SETD5: variants seen among roughly 807,000 people sequenced by gnomAD.
SETD5 encodes SET domain containing 5.
In SETD5, 44 loss-of-function variants were observed where a neutral mutation model predicts 153.3. The ratio of observed to expected loss-of-function variants is 0.29; its 90% confidence interval spans 0.23 to 0.37. The LOEUF (loss-of-function observed/expected upper bound fraction) is 0.37, where lower values mean the gene tolerates loss of function less well. Ranked by LOEUF, SETD5 falls within the 10% of genes least tolerant of loss-of-function variation. The pLI is 1.00. For missense variants in SETD5, 1,544 were observed against 1,768.0 expected (o/e 0.87, Z 2.27); for synonymous variants, 716 against 645.2 (o/e 1.11, Z -1.66).
intron 17 of SETD5, among the ~76,000 whole-genome samples, chr3:9,459,754 C>G (rs185821128): frequency 6.8e-6 from 1 of 147,096 alleles, no homozygotes; most frequent in African/African-American, 2.5e-5. Context: ...GAAGAATATA[C>G]GATGACTAAG....
At chr3:9,416,695 A>G (rs1211557527) in intron 1 of SETD5, among the ~76,000 whole-genome samples, 1 of 152,212 alleles carries the variant, frequency 6.6e-6, no homozygotes, top group Non-Finnish European at 1.5e-5. Flanking sequence ...ACCTATCATT[A>G]TGATAAACAT....
intron 18 of SETD5, among the ~76,000 whole-genome samples, chr3:9,467,199 C>CAAA (rs35894304): frequency 0.055 from 2,051 of 37,206 alleles, 13 homozygotes; most frequent in Non-Finnish European, 0.082. Context: ...GACTCTCTCT[C>CAAA]AAAAAAAAAA....
chr3:9,410,910 A>G (rs2036474418), intron 1 of SETD5, among the ~76,000 whole-genome samples: 1 of 147,434 alleles, frequency 6.8e-6, no homozygotes, highest in South Asian at 2.1e-4. Flanking sequence ...TTTTTTTGAG[A>G]TGGAGTCTCG....
intron 11 of SETD5, among the ~76,000 whole-genome samples, chr3:9,444,511 G>C (rs544085339): frequency 6.6e-6 from 1 of 152,038 alleles, no homozygotes; most frequent in East Asian, 1.9e-4. Flanking sequence ...TAAACCACTG[G>C]GGGGATTGAA....
intron 12 of SETD5, 89 bp from the exon 13 acceptor site, chr3:9,445,568 T>C (rs1375610412): frequency 8.5e-7 from 1 of 1,170,682 alleles, no homozygotes; most frequent in African/African-American, 1.5e-5. Flanking sequence ...CACTAGAGAT[T>C]GTTATAGAGA....
At chr3:9,409,029 C>T (rs1445700350) in intron 1 of SETD5, among the ~76,000 whole-genome samples, 2 of 152,070 alleles carry the variant, frequency 1.3e-5, no homozygotes, top group African/African-American at 2.4e-5. Flanking sequence ...ATAACTCCTT[C>T]TGCATTTAAT....
Position 9,407,438 on chromosome 3 carries a change from G to A in SETD5, c.-177+9461G>A, listed in dbSNP as rs537327191. 4.6e-5 allele frequency among the ~76,000 whole-genome samples: 7 copies of A among 152,302 alleles called. No individual in the cohort carries two copies. The South Asian group carries it at 1.5e-3, about 32-fold the overall frequency. ...TATTTTTAGAGAAGGAAGGCTCTAG[G>A]TAGGTGTAACCTTCCTCTTACAGTT... On this transcript the variant is annotated intron_variant, in intron 1 of 22. Transcript: ENST00000402198.
chr3:9,434,889 G>T lies in SETD5; in HGVS notation c.388+7G>T. On this transcript the variant is annotated splice_region_variant and intron_variant, in intron 6 of 22. Transcript: ENST00000402198. The surrounding 1 kb of genome is among the most constrained non-coding windows in gnomAD (Gnocchi z 5.6). ...AAGCAGGACAACATATCAGGTGAGC[G>T]GAAGATGGGTTAGGTCCACAATTTG... is the stretch of plus-strand genomic sequence containing the variant. The T allele has an allele frequency of 6.2e-7, 1 of 1,612,318 alleles. No homozygotes were observed. Among genetic ancestry groups the T allele is most frequent in the Non-Finnish European group, 8.5e-7 (1 of 1,179,230 alleles).
chr3:9,442,828 GAGTT>G (rs1238102071), intron 10 of SETD5: 13 of 167,114 alleles, frequency 7.8e-5, no homozygotes, highest in Admixed American at 4.5e-4. Flanking sequence ...ACAAGGTCAG[GAGTT>G]CGAGACCAGC....
chr3:9,468,906 T>TA (rs1342963604), intron 18 of SETD5, among the ~76,000 whole-genome samples: 1 of 152,058 alleles, frequency 6.6e-6, no homozygotes, highest in Non-Finnish European at 1.5e-5. Flanking sequence ...AAGATGCTGA[T>TA]ATGTGGTAGG....
At chr3:9,454,340 C>T (rs184739925) in intron 17 of SETD5, among the ~76,000 whole-genome samples, 58 of 152,090 alleles carry the variant, frequency 3.8e-4, no homozygotes, top group African/African-American at 1.3e-3. Context: ...AAAGAACAGC[C>T]GGGCGCTGTG....
At chr3:9,468,532 CT>C in intron 18 of SETD5, 1 of 1,304,280 alleles carries the variant, frequency 7.7e-7, no homozygotes, top group Non-Finnish European at 1.0e-6. Flanking sequence ...ATATCCTCCC[CT>C]GAGAGTTCCC....
At chr3:9,432,313 G>A (rs1169286976) in intron 3 of SETD5, 1 of 984,776 alleles carries the variant, frequency 1.0e-6, no homozygotes, top group African/African-American at 1.7e-5. Flanking sequence ...CAGTTTTGGA[G>A]CATATAACTG....
intron 1 of SETD5, among the ~76,000 whole-genome samples, chr3:9,404,270 T>C (rs2035305339): frequency 1.3e-5 from 2 of 152,206 alleles, no homozygotes; most frequent in South Asian, 4.1e-4. Flanking sequence ...CTGCCTTTCG[T>C]ACACGTAATA....
rs2041158544 is a variant in SETD5, at chr3:9,440,656, T to G, written c.768T>G (p.Thr256=). 6.2e-7 allele frequency: 1 copy of G among 1,613,736 alleles called. No homozygotes were observed. Among genetic ancestry groups the G allele is most frequent in the Non-Finnish European group, 8.5e-7 (1 of 1,179,760 alleles). ...KPTILDTINK[T]ELACNNTVIG... ...CTATTTTAGACACTATTAATAAGAC[T>G]GAATTGGCCTGTAATAACACAGTTA... The change falls in exon 8 of 23, where the codon ACT becomes ACG. Residue 256 remains threonine, a synonymous_variant. Transcript: ENST00000402198.
At chr3:9,454,622 C>CAAAAAAAAAAAAAAAAAAAAAAAAAAAA (rs67028533) in intron 17 of SETD5, among the ~76,000 whole-genome samples, 1 of 57,984 alleles carries the variant, frequency 1.7e-5, no homozygotes, top group Non-Finnish European at 3.2e-5. Flanking sequence ...AACTCCGTCT[C>CAAAAAAAAAAAAAAAAAAAAAAAAAAAA]AAAAAAAAAA....
intron 13 of SETD5, among the ~76,000 whole-genome samples, chr3:9,445,965 GT>G (rs376821559): frequency 0.031 from 2,674 of 86,464 alleles, 81 homozygotes; most frequent in African/African-American, 0.12. Context: ...TGAAGAGGTT[GT>G]TTTTTTTTTT....
intron 1 of SETD5, among the ~76,000 whole-genome samples, chr3:9,422,332 T>C (rs2038533270): frequency 2.6e-5 from 4 of 152,188 alleles, no homozygotes; most frequent in Admixed American, 2.6e-4. Context: ...GATGCCAATA[T>C]TTAACATTGA....
At chr3:9,431,591 T>C (rs1390671417) in intron 3 of SETD5, 4 of 985,754 alleles carry the variant, frequency 4.1e-6, no homozygotes, top group East Asian at 2.3e-4. Context: ...GATATGAGTT[T>C]AAATTTTATA....
Sources: allele counts gnomAD v4.1 joint callset (sites outside exome capture counted in the v4.1 genomes callset), GRCh38; gene constraint gnomAD v4.1.1; non-coding constraint Gnocchi (gnomAD v3.1); transcripts MANE v1.5; gene names NCBI Gene and HGNC (gene_info 2026-07-23, HGNC 2026-07-21).